The following SLC35F4 variants were observed in gnomAD, a reference collection of about 807,000 sequenced individuals.
The protein encoded by SLC35F4 is solute carrier family 35 member F4, also known as chromosome 14 open reading frame 36.
Under a neutral mutation model 44.2 loss-of-function variants are expected in SLC35F4, and 24 were observed. The observed-to-expected ratio is 0.54, with a 90% CI of 0.39 to 0.76. The LOEUF (loss-of-function observed/expected upper bound fraction) is 0.76. Among genes scored for constraint, SLC35F4 ranks in the 30% least tolerant of loss-of-function variants. The pLI is 0.00. For missense variants in SLC35F4, 562 were observed against 586.1 expected, an observed-to-expected ratio of 0.96 and a Z score of 0.42; for synonymous variants, 238 against 223.6, an observed-to-expected ratio of 1.06 and a Z score of -0.57.
intron 1 of SLC35F4, among the ~76,000 whole-genome samples, chr14:57,698,871 G>A (rs533952703): frequency 1.3e-5 from 2 of 152,094 alleles, no homozygotes; most frequent in East Asian, 3.9e-4. Context: ...GGAGATCCAC[G>A]CACCTCGGCC....
At chr14:57,916,281 A>G (rs1453198651) in intron 1 of SLC35F4, among the ~76,000 whole-genome samples, 1 of 152,230 alleles carries the variant, frequency 6.6e-6, no homozygotes, top group Non-Finnish European at 1.5e-5. Context: ...CAGCGCCATC[A>G]CAACCTAATC....
intron 1 of SLC35F4, among the ~76,000 whole-genome samples, chr14:57,711,273 C>G (rs901356437): frequency 1.3e-5 from 2 of 152,126 alleles, no homozygotes; most frequent in African/African-American, 4.8e-5. Context: ...CCTTTGCCTT[C>G]CGCCATGATT....
At chr14:57,944,751 GAA>G (rs1566508864) in intron 1 of SLC35F4, among the ~76,000 whole-genome samples, 17 of 125,758 alleles carry the variant, frequency 1.4e-4, no homozygotes, top group African/African-American at 4.8e-4. Flanking sequence ...AAGAAAGAAA[GAA>G]GAAAGGAAGA....
intron 1 of SLC35F4, among the ~76,000 whole-genome samples, chr14:57,609,888 G>A (rs1566678889): frequency 6.6e-6 from 1 of 152,176 alleles, no homozygotes; most frequent in Non-Finnish European, 1.5e-5. Flanking sequence ...GTGGATGACT[G>A]GCTGCCATGT....
intron 1 of SLC35F4, among the ~76,000 whole-genome samples, chr14:57,846,698 G>A (rs1886052323): frequency 6.6e-6 from 1 of 152,134 alleles, no homozygotes; most frequent in African/African-American, 2.4e-5. Flanking sequence ...TGGCTGATGG[G>A]AAACAAAACT....
chr14:57,610,849 A>G (rs1048925606), intron 1 of SLC35F4, among the ~76,000 whole-genome samples: 1 of 152,242 alleles, frequency 6.6e-6, no homozygotes, highest in Non-Finnish European at 1.5e-5. Context: ...ACCCGAATTG[A>G]TAAAACAGAC....
intron 3 of SLC35F4, among the ~76,000 whole-genome samples, chr14:57,587,425 A>G (rs2069831744): frequency 1.3e-5 from 2 of 152,246 alleles, no homozygotes. Flanking sequence ...CATATACACT[A>G]TGGAATACTA....
intron 1 of SLC35F4, among the ~76,000 whole-genome samples, chr14:57,935,630 T>C (rs1171107758): frequency 6.6e-6 from 1 of 152,208 alleles, no homozygotes; most frequent in African/African-American, 2.4e-5. Flanking sequence ...GCTGGCAGAA[T>C]AGCATATATT....
chr14:57,705,926 C>G (rs1380083323), intron 1 of SLC35F4, among the ~76,000 whole-genome samples: 1 of 152,126 alleles, frequency 6.6e-6, no homozygotes, highest in Non-Finnish European at 1.5e-5. Context: ...CCACTTCAAA[C>G]AGAAAGAACA....
intron 1 of SLC35F4, among the ~76,000 whole-genome samples, chr14:57,944,690 G>A (rs1333261836): frequency 1.1e-5 from 1 of 88,768 alleles, no homozygotes; most frequent in Admixed American, 1.2e-4. Flanking sequence ...AGAAAAGAAA[G>A]AAAGAAAAGA....
intron 1 of SLC35F4, among the ~76,000 whole-genome samples, chr14:57,797,154 C>T (rs1051187359): frequency 6.6e-6 from 1 of 152,200 alleles, no homozygotes; most frequent in Non-Finnish European, 1.5e-5. Flanking sequence ...CCTCAGTAAC[C>T]TTGACATTCA....
At chr14:57,749,111 C>T (rs950049690) in intron 1 of SLC35F4, among the ~76,000 whole-genome samples, 4 of 152,168 alleles carry the variant, frequency 2.6e-5, no homozygotes, top group African/African-American at 2.4e-5. Context: ...CATCAATATT[C>T]AACTCCGTGA....
chr14:57,730,840 C>A (rs2140471355), intron 1 of SLC35F4, among the ~76,000 whole-genome samples: 1 of 152,118 alleles, frequency 6.6e-6, no homozygotes, highest in South Asian at 2.1e-4. Context: ...ATGGGTTCAG[C>A]CAACAGATAC....
intron 1 of SLC35F4, among the ~76,000 whole-genome samples, chr14:57,805,444 AAAG>A (rs1330599928): frequency 8.5e-5 from 13 of 152,220 alleles, no homozygotes; most frequent in African/African-American, 2.2e-4. Context: ...GCAGCCATAG[AAAG>A]AAGAAGATCA....
At chr14:57,834,783 G>A (rs769607899) in intron 1 of SLC35F4, among the ~76,000 whole-genome samples, 11 of 152,212 alleles carry the variant, frequency 7.2e-5, no homozygotes, top group Non-Finnish European at 1.6e-4. Context: ...ACTTTAGGAG[G>A]CCGAGGTAGG....
intron 1 of SLC35F4, among the ~76,000 whole-genome samples, chr14:57,628,877 A>G (rs1345859395): frequency 1.3e-5 from 2 of 152,138 alleles, no homozygotes; most frequent in African/African-American, 4.8e-5. Flanking sequence ...AAAACTGCCA[A>G]TTGTATACGT....
At chr14:57,682,065 G>A (rs1334509431) in intron 1 of SLC35F4, among the ~76,000 whole-genome samples, 5 of 152,112 alleles carry the variant, frequency 3.3e-5, no homozygotes, top group Non-Finnish European at 5.9e-5. Context: ...AATTAGTTCA[G>A]TCATTGTGGA....
chr14:57,935,299 A>C (rs1719024266), intron 1 of SLC35F4, among the ~76,000 whole-genome samples: 1 of 152,238 alleles, frequency 6.6e-6, no homozygotes, highest in African/African-American at 2.4e-5. Flanking sequence ...GAATGAACAG[A>C]AACAGGAGAA....
intron 1 of SLC35F4, among the ~76,000 whole-genome samples, chr14:57,970,059 T>C (rs1881008265): frequency 6.6e-6 from 1 of 152,228 alleles, no homozygotes; most frequent in Non-Finnish European, 1.5e-5. Context: ...AACACTACCC[T>C]AGATTCACAC....
Sources: gnomAD v4.1 joint callset for allele counts (sites outside exome capture counted in the v4.1 genomes callset) on GRCh38, gnomAD v4.1.1 for gene constraint, MANE v1.5 for transcripts, NCBI Gene and HGNC (gene_info 2026-07-23, HGNC 2026-07-21) for gene names.